Variants in ERICH3 observed in about 807,000 individuals in gnomAD.
ERICH3 encodes the protein glutamate-rich protein 3.
A neutral mutation model predicts 131.1 loss-of-function variants in ERICH3; 126 were observed. That is an observed-to-expected ratio of 0.96 (90% CI 0.83 to 1.11). The LOEUF is 1.11. Among genes scored for constraint, ERICH3 ranks in the 50% most tolerant of loss-of-function variants. The pLI, the probability that ERICH3 is intolerant of heterozygous loss-of-function variation, is 0.00. For missense variants in ERICH3, 2,050 were observed against 1,810.7 expected (o/e 1.13, Z -2.40); for synonymous variants, 695 against 644.6 (o/e 1.08, Z -1.18).
In ERICH3 at chr1:74,572,407, T is replaced by C. The variant is rs200770042; in HGVS notation, c.3303A>G (p.Glu1101=). 1.8e-5 allele frequency: 29 copies of C among 1,613,882 alleles called. No individual in the cohort carries two copies. The Middle Eastern group carries it at 4.9e-4, about 28-fold the overall frequency. Residue 1101 remains glutamate, a synonymous_variant, in exon 14 of 15, where the codon GAA becomes GAG. Transcript: ENST00000326665. ...AFKEEQKLKA[E]EGETETEVRA... ...TTACTTCTGTCTCTGTTTCCCCTTC[T>C]TCCGCTTTAAGTTTTTGCTCTTCTT...
chr1:74,613,848 G>A (rs920873039), intron 8 of ERICH3, among the ~76,000 whole-genome samples: 1 of 151,886 alleles, frequency 6.6e-6, no homozygotes, highest in African/African-American at 2.4e-5. Flanking sequence ...TATTTCTTAC[G>A]TCACTTCCTA....
intron 9 of ERICH3, among the ~76,000 whole-genome samples, chr1:74,608,582 C>A (rs1380095358): frequency 4.6e-5 from 7 of 151,920 alleles, no homozygotes; most frequent in African/African-American, 1.7e-4. Context: ...ATAAATTTTC[C>A]CAACAAGCAA....
intron 8 of ERICH3, among the ~76,000 whole-genome samples, chr1:74,620,532 C>T (rs1649167284): frequency 6.6e-6 from 1 of 152,162 alleles, no homozygotes. Flanking sequence ...ATCCTTTCTT[C>T]CACAATCTGC....
At chr1:74,664,364 A>G (rs1021244400) in intron 1 of ERICH3, among the ~76,000 whole-genome samples, 2 of 151,900 alleles carry the variant, frequency 1.3e-5, no homozygotes, top group African/African-American at 4.8e-5. Flanking sequence ...GTTCCTTCTA[A>G]CTCTATTATT....
rs751387879 is a variant in ERICH3, at chr1:74,649,232, C to A, written c.107G>T (p.Arg36Ile). ...NNTRIRRHLL[R>I]SGLITRSGRI... Reference sequence around the variant, plus strand: ...TAAACCAAAACTTACCAGTCCTGATCTTAAGAGATGACGCCTTATCCTTGT... The same window carrying A: ...TAAACCAAAACTTACCAGTCCTGATATTAAGAGATGACGCCTTATCCTTGT... The change falls in exon 2 of 15, where the codon AGA becomes ATA. Residue 36 changes from arginine to isoleucine, a missense_variant. Physicochemically the swap from Arg to Ile is moderately conservative, Grantham distance 97 (BLOSUM62 -3). Transcript: ENST00000326665. 3.1e-6 allele frequency: 5 copies of A among 1,609,846 alleles called. No individual in the cohort carries two copies. The highest frequency in any genetic ancestry group is 4.2e-6 in the Non-Finnish European group (5 of 1,177,618).
chr1:74,668,016 G>A (rs1557707366), intron 1 of ERICH3, among the ~76,000 whole-genome samples: 2 of 152,106 alleles, frequency 1.3e-5, no homozygotes, highest in South Asian at 2.1e-4. Context: ...GATGTAAGAC[G>A]TTCCTTGCTT....
chr1:74,617,072 T>C (rs894026830), intron 8 of ERICH3, among the ~76,000 whole-genome samples: 3 of 152,058 alleles, frequency 2.0e-5, no homozygotes, highest in Non-Finnish European at 4.4e-5. Flanking sequence ...ATAATATTTT[T>C]TAATCTGAGC....
chr1:74,590,783 A>G (rs1294237273), intron 11 of ERICH3, among the ~76,000 whole-genome samples: 1 of 152,204 alleles, frequency 6.6e-6, no homozygotes, highest in Non-Finnish European at 1.5e-5. Context: ...TGTTAGGATA[A>G]GGAAAACCTA....
chr1:74,636,213 C>A, intron 6 of ERICH3, 67 bp downstream of exon 6: 2 of 1,264,402 alleles, frequency 1.6e-6, no homozygotes, highest in Non-Finnish European at 2.1e-6. Flanking sequence ...ATACCTTGAC[C>A]ACTGTAATAA....
chr1:74,591,598 G>C (rs1647608123), intron 11 of ERICH3, among the ~76,000 whole-genome samples: 1 of 152,158 alleles, frequency 6.6e-6, no homozygotes, highest in Admixed American at 6.5e-5. Flanking sequence ...GATCTAGGCA[G>C]TGTGACGACA....
intron 9 of ERICH3, among the ~76,000 whole-genome samples, chr1:74,612,375 A>G (rs1035483903): frequency 6.6e-6 from 1 of 152,236 alleles, no homozygotes; most frequent in African/African-American, 2.4e-5. Flanking sequence ...CAGGAGAGAT[A>G]GAAAGTGAAA....
intron 9 of ERICH3, among the ~76,000 whole-genome samples, chr1:74,611,278 T>C (rs1331508389): frequency 2.0e-5 from 3 of 152,164 alleles, no homozygotes; most frequent in African/African-American, 4.8e-5. Flanking sequence ...TAACTGGACA[T>C]CTTTCCAGTT....
intron 4 of ERICH3, among the ~76,000 whole-genome samples, chr1:74,642,123 T>C (rs534894974): frequency 2.0e-5 from 3 of 152,246 alleles, no homozygotes; most frequent in South Asian, 4.1e-4. Flanking sequence ...TAGGGCAATA[T>C]TGGCAAAGTT....
intron 8 of ERICH3, among the ~76,000 whole-genome samples, chr1:74,613,983 A>C (rs1648824520): frequency 1.3e-5 from 2 of 152,246 alleles, no homozygotes; most frequent in Admixed American, 1.3e-4. Flanking sequence ...TTACTACAAT[A>C]GACTAAGATG....
intron 12 of ERICH3, chr1:74,578,179 A>T (rs997410787): frequency 1.3e-5 from 2 of 152,708 alleles, no homozygotes; most frequent in African/African-American, 4.8e-5. Context: ...AAAAAGAGTT[A>T]TCTATCCAAT....
chr1:74,596,586 T>C (rs1647862584), intron 11 of ERICH3, among the ~76,000 whole-genome samples: 1 of 152,062 alleles, frequency 6.6e-6, no homozygotes, highest in African/African-American at 2.4e-5. Flanking sequence ...TCTTCCTGTC[T>C]AACTGTAACT....
chr1:74,576,180 T>C (rs115688605), intron 13 of ERICH3, among the ~76,000 whole-genome samples: 141 of 152,288 alleles, frequency 9.3e-4, no homozygotes, highest in African/African-American at 3.1e-3. Context: ...TGACAGTAAA[T>C]GAGATAATTT....
intron 6 of ERICH3, chr1:74,634,724 A>G (rs1174770921): frequency 1.4e-6 from 1 of 705,174 alleles, no homozygotes; most frequent in African/African-American, 1.8e-5. Context: ...AATCCTACTC[A>G]TTGGACTTTG....
chr1:74,596,118 G>A (rs1484352823), intron 11 of ERICH3, among the ~76,000 whole-genome samples: 1 of 151,940 alleles, frequency 6.6e-6, no homozygotes, highest in Non-Finnish European at 1.5e-5. Context: ...TGTGATTCTG[G>A]GACTTTAAAA....
Sources: gnomAD v4.1 joint callset for allele counts (sites outside exome capture counted in the v4.1 genomes callset) on GRCh38, gnomAD v4.1.1 for gene constraint, MANE v1.5 for transcripts, NCBI Gene and HGNC (gene_info 2026-07-23, HGNC 2026-07-21) for gene names.